AP2B1: variants seen among roughly 807,000 people sequenced by gnomAD.
AP2B1 encodes the protein adaptor related protein complex 2 subunit beta 1.
AP2B1 carries 23 observed loss-of-function variants against 102.0 expected under a neutral mutation model. The observed-to-expected ratio is 0.23, with a 90% confidence interval of 0.16 to 0.32. The LOEUF is 0.32. AP2B1 is among the 10% of genes least tolerant of loss of function. The probability of loss-of-function intolerance (pLI) is 1.00; values close to 1 mark genes in which losing one functional copy is unlikely to be tolerated. For synonymous variants in AP2B1, 381 were observed against 421.2 expected (o/e 0.90, Z 1.17); for missense variants, 541 against 1,157.4 (o/e 0.47, Z 7.73).
chr17:35,597,724 C>G (rs2073339630), intron 2 of AP2B1, among the ~76,000 whole-genome samples: 1 of 152,148 alleles, frequency 6.6e-6, no homozygotes, highest in African/African-American at 2.4e-5. Context: ...AGTGTGTGGC[C>G]AGGGCTGAGA....
intron 17 of AP2B1, among the ~76,000 whole-genome samples, chr17:35,679,424 T>C (rs772279987): frequency 1.3e-5 from 2 of 151,714 alleles, no homozygotes; most frequent in Non-Finnish European, 2.9e-5. Context: ...ATTCATATGC[T>C]GCTCCTGTTT....
Position 35,624,307 on chromosome 17 carries a change from C to G in AP2B1, c.526-90C>G, listed in dbSNP as rs1274731712. Reference sequence around the variant, plus strand: ...TTCAGGAATGGTTATGAATTGAGATCCGTGAAATGACCCAGAGAAGGCTGA... The same window carrying G: ...TTCAGGAATGGTTATGAATTGAGATGCGTGAAATGACCCAGAGAAGGCTGA... On this transcript the variant is annotated intron_variant, in intron 5 of 21. Coordinates refer to ENST00000610402, the MANE Select transcript of AP2B1 (RefSeq NM_001030006.2). 7 of 1,177,092 alleles carry G rather than the reference C, an allele frequency of 5.9e-6. No individual in the cohort carries two copies. In the East Asian group the frequency reaches 1.4e-4, roughly 24 times the overall value. 72.9% of individuals were successfully genotyped at this position (1,177,092 alleles called of 1,614,324 possible).
At chr17:35,640,994 T>C (rs1348753542) in intron 11 of AP2B1, among the ~76,000 whole-genome samples, 1 of 152,212 alleles carries the variant, frequency 6.6e-6, no homozygotes, top group African/African-American at 2.4e-5. Context: ...TTAAGCCCTT[T>C]TTTCTTGGCA....
At chr17:35,641,617 T>G (rs147565999) in intron 11 of AP2B1, among the ~76,000 whole-genome samples, 260 of 152,272 alleles carry the variant, frequency 1.7e-3, no homozygotes, top group African/African-American at 6.0e-3. Flanking sequence ...ACTATCTGTC[T>G]TAGAAACAAG....
At chr17:35,714,781 C>T (rs950063009) in intron 20 of AP2B1, among the ~76,000 whole-genome samples, 1 of 152,086 alleles carries the variant, frequency 6.6e-6, no homozygotes, top group East Asian at 1.9e-4. Context: ...TATATTTGAC[C>T]ATCTTTTTTT....
intron 11 of AP2B1, among the ~76,000 whole-genome samples, chr17:35,640,026 C>G (rs2074723535): frequency 6.6e-6 from 1 of 151,904 alleles, no homozygotes; most frequent in South Asian, 2.1e-4. Context: ...AAGCGATTCT[C>G]CTGCTTCAGC....
At chr17:35,697,908 T>C (rs2523117) in intron 18 of AP2B1, among the ~76,000 whole-genome samples, 131,623 of 152,222 alleles carry the variant, frequency 0.86, 57,245 homozygotes, top group East Asian at 0.97. Context: ...TGCAGTGAGC[T>C]GAGATCCCAC....
At chr17:35,653,068 C>G (rs1346413874) in intron 13 of AP2B1, among the ~76,000 whole-genome samples, 1 of 152,132 alleles carries the variant, frequency 6.6e-6, no homozygotes, top group East Asian at 1.9e-4. Flanking sequence ...CTTCTCTTCT[C>G]TGATTATTAA....
At chr17:35,600,914 C>A in intron 3 of AP2B1, 1 of 751,452 alleles carries the variant, frequency 1.3e-6, no homozygotes. Context: ...TAGGAAATGA[C>A]TCTGTATCTT....
intron 18 of AP2B1, among the ~76,000 whole-genome samples, chr17:35,686,945 C>G (rs1286759305): frequency 6.6e-6 from 1 of 152,124 alleles, no homozygotes; most frequent in Non-Finnish European, 1.5e-5. Flanking sequence ...CCACTGCACT[C>G]CAGCCTGGGT....
At chr17:35,664,775 A>G (rs1023952053) in intron 14 of AP2B1, among the ~76,000 whole-genome samples, 2 of 152,192 alleles carry the variant, frequency 1.3e-5, no homozygotes, top group African/African-American at 4.8e-5. Context: ...ACAAATGATA[A>G]AGTAGCAAAT....
At chr17:35,657,897 A>G in intron 14 of AP2B1, 106 bp downstream of exon 14, 2 of 963,106 alleles carry the variant, frequency 2.1e-6, no homozygotes, top group Non-Finnish European at 1.5e-6. Flanking sequence ...CTTGATGAGC[A>G]GTAGTGTCCT....
At chr17:35,714,048 C>T (rs946154919) in intron 20 of AP2B1, among the ~76,000 whole-genome samples, 3 of 152,132 alleles carry the variant, frequency 2.0e-5, no homozygotes, top group African/African-American at 4.8e-5. Flanking sequence ...ATCTTTGTGA[C>T]GAACAGTTCT....
At chr17:35,634,646 T>C (rs1453682838) in intron 9 of AP2B1, among the ~76,000 whole-genome samples, 2 of 152,242 alleles carry the variant, frequency 1.3e-5, no homozygotes, top group African/African-American at 4.8e-5. Context: ...GTTGTTTATC[T>C]AATGCCATAG....
intron 17 of AP2B1, among the ~76,000 whole-genome samples, chr17:35,681,945 A>T (rs1422469794): frequency 6.6e-6 from 1 of 152,166 alleles, no homozygotes; most frequent in Non-Finnish European, 1.5e-5. Flanking sequence ...GAGCACCTTG[A>T]TTCCTGCTAT....
Position 35,587,436 on chromosome 17 carries a change from C to T in AP2B1, c.-24+8C>T, listed in dbSNP as rs1441245133. Reference sequence around the variant, plus strand: ...CCTTCGCCTCCGCCTCCGGTGAGTTCAGGGCGGTTGCCTTTAGGGTGTGTC... The same window carrying T: ...CCTTCGCCTCCGCCTCCGGTGAGTTTAGGGCGGTTGCCTTTAGGGTGTGTC... On this transcript the variant is annotated splice_region_variant and intron_variant, in intron 1 of 21. Transcript: ENST00000610402. The T allele has an allele frequency of 6.5e-6, 1 of 152,920 alleles. No individual in the cohort carries two copies. The highest frequency in any genetic ancestry group is 1.5e-5 in the Non-Finnish European group (1 of 68,626). 9.5% of individuals were successfully genotyped at this position (152,920 alleles called of 1,614,324 possible).
chr17:35,662,980 T>C (rs1461101245), intron 14 of AP2B1, among the ~76,000 whole-genome samples: 1 of 152,254 alleles, frequency 6.6e-6, no homozygotes, highest in Non-Finnish European at 1.5e-5. Context: ...AACTGCCTTT[T>C]CCTGACCCTC....
intron 18 of AP2B1, 136 bp downstream of exon 18, chr17:35,682,960 C>T: frequency 2.7e-6 from 2 of 743,158 alleles, no homozygotes; most frequent in Non-Finnish European, 3.8e-6. Flanking sequence ...TCACTGCAAC[C>T]TCTGCCTCCT....
At chr17:35,616,140 C>CTTTTTTTTTTTTTTT in intron 5 of AP2B1, among the ~76,000 whole-genome samples, 1 of 79,376 alleles carries the variant, frequency 1.3e-5, no homozygotes, top group East Asian at 3.7e-4. Context: ...TAAAAAATAT[C>CTTTTTTTTTTTTTTT]TCTTTTTTTT....
Sources: gnomAD v4.1 joint callset for allele counts (sites outside exome capture counted in the v4.1 genomes callset) on GRCh38, gnomAD v4.1.1 for gene constraint, MANE v1.5 for transcripts, NCBI Gene and HGNC (gene_info 2026-07-23, HGNC 2026-07-21) for gene names.